Variants in ALAS2 observed in about 807,000 individuals in gnomAD.
ALAS2 encodes 5-aminolevulinate synthase, erythroid-specific, mitochondrial.
Under a neutral mutation model 33.7 loss-of-function variants are expected in ALAS2, and 3 were observed. That is an observed-to-expected ratio of 0.09 (90% CI 0.04 to 0.23). The LOEUF (loss-of-function observed/expected upper bound fraction) is 0.23, where lower values mean the gene tolerates loss of function less well. ALAS2 is among the 10% of genes least tolerant of loss of function. The probability of loss-of-function intolerance (pLI) is 1.00; values close to 1 mark genes in which losing one functional copy is unlikely to be tolerated. For synonymous variants in ALAS2, 191 were observed against 177.3 expected (o/e 1.08, Z -0.61); for missense variants, 304 against 475.1 (o/e 0.64, Z 3.35).
intron 4 of ALAS2, among the ~76,000 whole-genome samples, chrX:55,022,582 A>C (rs1263328495): frequency 8.9e-6 from 1 of 112,039 alleles, no homozygotes; most frequent in African/African-American, 3.2e-5. Flanking sequence ...TAACTGGTAC[A>C]GCCATGTTGG....
chrX:55,014,286 C>T (rs1039783024), intron 9 of ALAS2, among the ~76,000 whole-genome samples: 6 of 111,739 alleles, frequency 5.4e-5, no homozygotes, highest in African/African-American at 1.3e-4. Context: ...CGTTTTACAC[C>T]GTGACCATAA....
chrX:55,015,983 G>GTC (rs1432551674), intron 7 of ALAS2, among the ~76,000 whole-genome samples: 3 of 105,010 alleles, frequency 2.9e-5, no homozygotes, highest in South Asian at 4.4e-4. Flanking sequence ...GTGTGTGTGT[G>GTC]TGTGTGTGTG....
Position 55,021,081 on chromosome X carries a change from G to A in ALAS2, c.609C>T (p.Ser203=), listed in dbSNP as rs1935796948. The A allele has an allele frequency of 8.3e-7, 1 of 1,209,166 alleles. No individual in the cohort carries two copies. Among genetic ancestry groups the A allele is most frequent in the Non-Finnish European group, 1.1e-6 (1 of 894,995 alleles). Residue 203 remains serine (S), a synonymous_variant, in exon 5 of 11, where the codon AGC becomes AGT. Coordinates refer to ENST00000650242, the MANE Select transcript of ALAS2 (RefSeq NM_000032.5). ...VWCSNDYLGM[S]RHPQVLQATQ... ...TGGCTTGCAAGACCTGAGGGTGTCG[G>A]CTCATGCCCAGGTAATCATTACTAC...
At chrX:55,025,676 G>T in intron 2 of ALAS2, 144 bp downstream of exon 2, 1 of 611,173 alleles carries the variant, frequency 1.6e-6, no homozygotes. Context: ...GACAGATTCT[G>T]GGTATATTTT....
At chrX:55,013,179 G>T (rs943221648) in intron 10 of ALAS2, among the ~76,000 whole-genome samples, 1 of 111,565 alleles carries the variant, frequency 9.0e-6, no homozygotes, top group Non-Finnish European at 1.9e-5. Flanking sequence ...AGTGGGTCTT[G>T]CATCCCTCAG....
chrX:55,020,248 G>C, intron 6 of ALAS2, 72 bp downstream of exon 6: 7 of 1,055,491 alleles, frequency 6.6e-6, no homozygotes, highest in Non-Finnish European at 9.1e-6. Flanking sequence ...GGGAAGGAGT[G>C]ATGGAACCAG....
At chrX:55,022,884 G>A (rs1376654563) in intron 4 of ALAS2, among the ~76,000 whole-genome samples, 1 of 111,436 alleles carries the variant, frequency 9.0e-6, no homozygotes, top group Non-Finnish European at 1.9e-5. Context: ...ATATTGTTGA[G>A]TGAAAAAAGG....
chrX:55,015,643 C>T lies in ALAS2; in HGVS notation c.1103G>A (p.Arg368Gln), dbSNP rs371716491. ...EVHAVGLYGSRGAGIGERDGI... is the reference protein window; with the variant it reads ...EVHAVGLYGSQGAGIGERDGI... ...ATCACGCTCCCCAATCCCAGCGCCC[C>T]GGGACCCATACAGTCCTACAGCATG... is the stretch of plus-strand genomic sequence containing the variant. Residue 368 changes from arginine to glutamine, a missense_variant, in exon 8 of 11, where the codon CGG becomes CAG. Arg to Gln is a conservative substitution (Grantham distance 43). Around this residue, in one of 3 missense-constraint regions of ALAS2, gnomAD observed 138 missense variants for 265.3 expected, o/e 0.52. Transcript: ENST00000650242. The T allele has an allele frequency of 1.6e-4, 191 of 1,209,040 alleles. No homozygotes were observed. The Middle Eastern group carries it at 4.4e-3, about 28-fold the overall frequency.
intron 1 of ALAS2, chrX:55,027,753 C>T (rs1935915017): frequency 8.3e-7 from 1 of 1,211,140 alleles, no homozygotes; most frequent in African/African-American, 1.7e-5. Flanking sequence ...CCCCGTACCT[C>T]ACAAAACAAC....
At chrX:55,009,390 T>C (rs1006439569) in intron 10 of ALAS2, 47 bp from the exon 11 acceptor site, 19 of 1,125,003 alleles carry the variant, frequency 1.7e-5, no homozygotes, top group Non-Finnish European at 2.3e-5. Flanking sequence ...TTAGACTAGA[T>C]CTTCCAAATC....
At position 55,020,490 on chromosome X, in the gene ALAS2, C is replaced by T. The variant is rs185504937; in HGVS notation, c.653G>A (p.Arg218His). Residue 218 changes from arginine to histidine, a missense_variant, in exon 6 of 11, where the codon CGT becomes CAT. By Grantham distance (29) the Arg-to-His change is conservative (BLOSUM62 0). Around this residue, in one of 3 missense-constraint regions of ALAS2, gnomAD observed 138 missense variants for 265.3 expected, o/e 0.52. Transcript: ENST00000650242. The stretch of plus-strand genomic sequence containing the variant: ...GGTGCCACCAGCTCCAGCACCATGA[C>T]GCTGCAGGGTCTCCCTGGCCAGGAG... The part of the protein sequence containing the change: ...VLQATQETLQ[R>H]HGAGAGGTRN... 569 of 1,174,958 alleles carry T rather than the reference C, an allele frequency of 4.8e-4. 2 individuals carry two copies. Among genetic ancestry groups the T allele is most frequent in the Non-Finnish European group, 5.5e-4 (485 of 877,638 alleles).
intron 9 of ALAS2, among the ~76,000 whole-genome samples, chrX:55,014,106 G>C (rs1481662796): frequency 9.0e-6 from 1 of 111,625 alleles, no homozygotes; most frequent in Non-Finnish European, 1.9e-5. Flanking sequence ...TCACAAATAA[G>C]TGTCCTTTCC....
chrX:55,017,747 G>C, intron 6 of ALAS2, 82 bp from the exon 7 acceptor site: 3 of 1,015,405 alleles, frequency 3.0e-6, no homozygotes, highest in Non-Finnish European at 4.2e-6. Flanking sequence ...GCAAAGAAAA[G>C]GGCCAACCCT....
At position 55,020,321 on chromosome X, in the gene ALAS2, T is replaced by C; in HGVS notation, c.822A>G (p.Pro274=). The C allele has an allele frequency of 8.3e-7, 1 of 1,208,540 alleles. No homozygotes were observed. The change falls in exon 6 of 11, where the codon CCA becomes CCG. Residue 274 remains proline (P), a splice_region_variant and synonymous_variant. Coordinates refer to ENST00000650242, the MANE Select transcript of ALAS2 (RefSeq NM_000032.5). ...ACAAAGCTCAGGCCTCAGGCTTACC[T>C]GGCAGGATCTTGGCCAAGGTGAAGA... ...STLFTLAKIL[P]GCEIYSDAGN... is the part of the protein sequence containing the mutation.
At chrX:55,029,609 C>T (rs1935955733) in intron 1 of ALAS2, among the ~76,000 whole-genome samples, 1 of 111,592 alleles carries the variant, frequency 9.0e-6, no homozygotes, top group Non-Finnish European at 1.9e-5. Flanking sequence ...CTTTCCAGGT[C>T]ATATGCCATT....
At chrX:55,030,849 C>A in intron 1 of ALAS2, 93 bp downstream of exon 1, 1 of 219,891 alleles carries the variant, frequency 4.5e-6, no homozygotes, top group South Asian at 5.5e-5. Context: ...AGGAAAAAGT[C>A]AGATCTACTC....
intron 2 of ALAS2, among the ~76,000 whole-genome samples, chrX:55,025,366 G>A (rs775569657): frequency 4.5e-5 from 5 of 111,142 alleles, no homozygotes; most frequent in South Asian, 3.8e-4. Flanking sequence ...ACAGATTCTC[G>A]CTCTGTTGCC....
rs1371009875 is a variant in ALAS2, at chrX:55,023,641, C to T, written c.415+116G>A. ...GCAAGTGCCAGCATTAAATTTTAAACTCAAATTTCCTTTGGTTCCAAGGCC... is the reference window on the plus strand; with the variant it reads ...GCAAGTGCCAGCATTAAATTTTAAATTCAAATTTCCTTTGGTTCCAAGGCC... On this transcript the variant is annotated intron_variant, in intron 4 of 10. Coordinates refer to ENST00000650242, the MANE Select transcript of ALAS2 (RefSeq NM_000032.5). The T allele has an allele frequency of 6.3e-6, 4 of 631,031 alleles. No individual in the cohort carries two copies. In the South Asian group the frequency reaches 1.0e-4, roughly 16 times the overall value. 52.0% of individuals were successfully genotyped at this position (631,031 alleles called of 1,213,427 possible).
rs760900782 is a variant in ALAS2 at position 55,024,791 on chromosome X, G to T, written c.231C>A (p.Leu77=). The change falls in exon 3 of 11, where the codon CTC becomes CTA. Residue 77 remains leucine, a synonymous_variant. Coordinates refer to ENST00000650242, the MANE Select transcript of ALAS2 (RefSeq NM_000032.5). ...GCACAATCTTGCTCTTCCCATCCTG[G>T]AGTTCCGACAGCATGAAGGGACAGT... is the stretch of plus-strand genomic sequence containing the variant. ...KGHCPFMLSE[L]QDGKSKIVQK... The T allele has an allele frequency of 3.1e-4, 375 of 1,209,936 alleles. 4 individuals are homozygous for T. In the South Asian group the frequency reaches 6.2e-3, roughly 20 times the overall value.
Sources: gnomAD v4.1 joint callset for allele counts (sites outside exome capture counted in the v4.1 genomes callset) on GRCh38, gnomAD v4.1.1 for gene constraint, gnomAD v4.1.1 regional missense constraint, MANE v1.5 for transcripts, NCBI Gene and HGNC (gene_info 2026-07-23, HGNC 2026-07-21) for gene names.